CTNND2: variants seen among roughly 807,000 people sequenced by gnomAD.
The protein encoded by CTNND2 is catenin delta-2.
Under a neutral mutation model 144.4 loss-of-function variants are expected in CTNND2, and 22 were observed. That is an observed-to-expected ratio of 0.15 (90% CI 0.11 to 0.22). The LOEUF (loss-of-function observed/expected upper bound fraction) is 0.22. Ranked by LOEUF, CTNND2 falls within the 10% of genes least tolerant of loss-of-function variation. The probability of loss-of-function intolerance (pLI) is 1.00; values close to 1 mark genes in which losing one functional copy is unlikely to be tolerated. For missense variants in CTNND2, 1,353 were observed against 1,618.8 expected (o/e 0.84, Z 2.82); for synonymous variants, 751 against 695.6 (o/e 1.08, Z -1.25).
chr5:11,448,963 A>G (rs1417804809), intron 3 of CTNND2, among the ~76,000 whole-genome samples: 1 of 151,692 alleles, frequency 6.6e-6, no homozygotes, highest in Non-Finnish European at 1.5e-5. Context: ...TCAGTCTCCC[A>G]AAGTGCTGGG....
At chr5:11,475,859 T>C (rs1196354847) in intron 3 of CTNND2, among the ~76,000 whole-genome samples, 1 of 152,006 alleles carries the variant, frequency 6.6e-6, no homozygotes, top group Non-Finnish European at 1.5e-5. Context: ...GTTTTGTTTG[T>C]TTGTTTGTTT....
intron 9 of CTNND2, among the ~76,000 whole-genome samples, chr5:11,314,123 T>G (rs1000843753): frequency 6.6e-6 from 1 of 152,154 alleles, no homozygotes; most frequent in African/African-American, 2.4e-5. Context: ...TCTGATAGCT[T>G]GGTACCTATC....
intron 2 of CTNND2, among the ~76,000 whole-genome samples, chr5:11,685,070 G>C (rs1160160138): frequency 6.6e-6 from 1 of 152,196 alleles, no homozygotes; most frequent in African/African-American, 2.4e-5. Flanking sequence ...ATCTAAAACA[G>C]TGTAGTATCT....
chr5:11,438,712 A>T (rs1274534527), intron 3 of CTNND2, among the ~76,000 whole-genome samples: 1 of 152,224 alleles, frequency 6.6e-6, no homozygotes. Context: ...ACAATGTCCT[A>T]ATTACTTAGG....
intron 2 of CTNND2, among the ~76,000 whole-genome samples, chr5:11,625,483 G>A (rs1306371187): frequency 6.6e-6 from 1 of 151,418 alleles, no homozygotes; most frequent in African/African-American, 2.4e-5. Flanking sequence ...CTAGGTCATA[G>A]ACTGAAGTGT....
intron 1 of CTNND2, among the ~76,000 whole-genome samples, chr5:11,895,710 T>C (rs898116673): frequency 1.3e-5 from 2 of 152,040 alleles, no homozygotes; most frequent in Non-Finnish European, 2.9e-5. Flanking sequence ...TGTTAAGACA[T>C]GACAGAGTGA....
chr5:11,019,068 C>T (rs1180975935), intron 17 of CTNND2, among the ~76,000 whole-genome samples: 9 of 152,092 alleles, frequency 5.9e-5, no homozygotes, highest in African/African-American at 1.7e-4. Flanking sequence ...AAGTTTAAAG[C>T]TAGCAGAAGT....
chr5:11,867,328 G>A (rs1423510557), intron 1 of CTNND2, among the ~76,000 whole-genome samples: 1 of 152,162 alleles, frequency 6.6e-6, no homozygotes, highest in African/African-American at 2.4e-5. Flanking sequence ...AGAAATAATG[G>A]CTGTTTTTGT....
intron 9 of CTNND2, among the ~76,000 whole-genome samples, chr5:11,333,045 C>T (rs1446137138): frequency 1.3e-5 from 2 of 152,186 alleles, no homozygotes; most frequent in African/African-American, 2.4e-5. Flanking sequence ...ATGCCTTTAT[C>T]AGCAGTGTGA....
intron 18 of CTNND2, among the ~76,000 whole-genome samples, chr5:11,013,332 T>C (rs1741283478): frequency 6.6e-6 from 1 of 152,226 alleles, no homozygotes; most frequent in South Asian, 2.1e-4. Context: ...ATATAATTAA[T>C]TGGCATGCAA....
At chr5:11,827,614 G>T (rs1793668807) in intron 1 of CTNND2, among the ~76,000 whole-genome samples, 1 of 152,026 alleles carries the variant, frequency 6.6e-6, no homozygotes, top group African/African-American at 2.4e-5. Flanking sequence ...ATCACTACAA[G>T]AACTAAAGAC....
chr5:11,774,561 T>TAAAAAAAAAAAAAAA (rs1202575547), intron 1 of CTNND2, among the ~76,000 whole-genome samples: 2 of 116,826 alleles, frequency 1.7e-5, no homozygotes, highest in East Asian at 2.5e-4. Flanking sequence ...AAAAAAAAAT[T>TAAAAAAAAAAAAAAA]AAAAAAAAAA....
At chr5:11,703,405 T>A (rs1426805941) in intron 2 of CTNND2, among the ~76,000 whole-genome samples, 1 of 152,192 alleles carries the variant, frequency 6.6e-6, no homozygotes, top group East Asian at 1.9e-4. Context: ...ACCTGAATTA[T>A]GTTGTTTACT....
At chr5:11,727,907 G>A (rs62340164) in intron 2 of CTNND2, among the ~76,000 whole-genome samples, 5 of 152,194 alleles carry the variant, frequency 3.3e-5, no homozygotes, top group South Asian at 2.1e-4. Flanking sequence ...ATTTAGCAAC[G>A]ATATGTGGCA....
intron 1 of CTNND2, among the ~76,000 whole-genome samples, chr5:11,816,503 G>A (rs529746160): frequency 6.6e-6 from 1 of 150,632 alleles, no homozygotes; most frequent in East Asian, 2.0e-4. Context: ...GTCAGCATCT[G>A]GGGTGCCTGT....
chr5:11,342,822 T>C (rs937933370), intron 9 of CTNND2, among the ~76,000 whole-genome samples: 7 of 152,218 alleles, frequency 4.6e-5, no homozygotes, highest in Non-Finnish European at 7.3e-5. Flanking sequence ...ACTTCTTTCA[T>C]ATAATTTAAG....
chr5:11,670,074 TA>T (rs1482522534), intron 2 of CTNND2, among the ~76,000 whole-genome samples: 3 of 152,208 alleles, frequency 2.0e-5, no homozygotes, highest in Admixed American at 6.5e-5. Flanking sequence ...GTGAGTTTCT[TA>T]ATCCTGAGTT....
At chr5:11,270,670 T>C (rs1745905620) in intron 9 of CTNND2, among the ~76,000 whole-genome samples, 1 of 152,156 alleles carries the variant, frequency 6.6e-6, no homozygotes, top group African/African-American at 2.4e-5. Flanking sequence ...CAAGCTCTTT[T>C]CTCCCTAAAT....
intron 14 of CTNND2, among the ~76,000 whole-genome samples, chr5:11,101,355 A>G (rs1456311807): frequency 1.3e-5 from 2 of 152,244 alleles, no homozygotes; most frequent in Non-Finnish European, 2.9e-5. Flanking sequence ...GCTCATCAAC[A>G]TCAACAAGGT....
Sources: gnomAD v4.1 joint callset for allele counts (sites outside exome capture counted in the v4.1 genomes callset) on GRCh38, gnomAD v4.1.1 for gene constraint, MANE v1.5 for transcripts, NCBI Gene and HGNC (gene_info 2026-07-23, HGNC 2026-07-21) for gene names.